DNA2: variants seen among roughly 807,000 people sequenced by gnomAD.
DNA2 encodes the protein DNA replication helicase/nuclease 2.
DNA2 carries 101 observed loss-of-function variants against 119.1 expected under a neutral mutation model. The observed-to-expected ratio is 0.85, with a 90% confidence interval of 0.72 to 1.00. The LOEUF is 1.00. DNA2 is among the 50% of genes least tolerant of loss of function. The probability of loss-of-function intolerance (pLI) is 0.00; values close to 1 mark genes in which losing one functional copy is unlikely to be tolerated. For synonymous variants in DNA2, 366 were observed against 424.4 expected (o/e 0.86, Z 1.69); for missense variants, 1,121 against 1,255.5 (o/e 0.89, Z 1.62).
At chr10:68,419,272 G>T in intron 18 of DNA2, 59 bp from the exon 19 acceptor site, 1 of 1,281,530 alleles carries the variant, frequency 7.8e-7, no homozygotes, top group Non-Finnish European at 1.0e-6. Context: ...AAACTTTTCT[G>T]AATTTAATAA....
chr10:68,467,031 A>G (rs892600599), intron 3 of DNA2, among the ~76,000 whole-genome samples: 4 of 152,236 alleles, frequency 2.6e-5, no homozygotes, highest in African/African-American at 9.6e-5. Context: ...TCAAAATAAA[A>G]TAAAAGTACG....
chr10:68,440,710 C>A (rs180827217), intron 9 of DNA2, among the ~76,000 whole-genome samples: 1 of 152,198 alleles, frequency 6.6e-6, no homozygotes, highest in Admixed American at 6.6e-5. Context: ...ACTACACATA[C>A]GCAGTCTATC....
chr10:68,451,972 A>T (rs2133417602), intron 5 of DNA2, among the ~76,000 whole-genome samples: 1 of 151,998 alleles, frequency 6.6e-6, no homozygotes, highest in Middle Eastern at 3.4e-3. Context: ...TAAAAAAAAA[A>T]CTATTCCAAG....
chr10:68,418,958 C>A, intron 19 of DNA2, 76 bp downstream of exon 19: 2 of 1,391,284 alleles, frequency 1.4e-6, no homozygotes. Context: ...CAGGTGTGAG[C>A]CACCGCGCCC....
At chr10:68,445,808 G>A (rs2052031128) in intron 7 of DNA2, among the ~76,000 whole-genome samples, 1 of 151,970 alleles carries the variant, frequency 6.6e-6, no homozygotes, top group Admixed American at 6.6e-5. Flanking sequence ...CAACTATAGA[G>A]TATATTATTA....
At chr10:68,444,774 T>A in intron 8 of DNA2, 147 bp downstream of exon 8, 1 of 554,286 alleles carries the variant, frequency 1.8e-6, no homozygotes, top group Non-Finnish European at 3.0e-6. Flanking sequence ...TTTTCTATTA[T>A]CTTAATTTTA....
intron 14 of DNA2, among the ~76,000 whole-genome samples, chr10:68,426,916 G>A (rs933880906): frequency 2.6e-5 from 4 of 152,154 alleles, no homozygotes; most frequent in South Asian, 2.1e-4. Context: ...AAAAGCAAGC[G>A]ATAGAGTGGG....
intron 4 of DNA2, among the ~76,000 whole-genome samples, chr10:68,460,960 T>C (rs1237456861): frequency 2.0e-5 from 3 of 151,722 alleles, no homozygotes; most frequent in Admixed American, 2.0e-4. Context: ...GACATCAAAT[T>C]TCAGATAATT....
chr10:68,461,278 A>C (rs1480763407), intron 4 of DNA2: 1 of 152,232 alleles, frequency 6.6e-6, no homozygotes, highest in Non-Finnish European at 1.5e-5. Context: ...CTTTCATAAG[A>C]GTACAGTTGA....
chr10:68,469,955 G>C, intron 2 of DNA2, 26 bp downstream of exon 2: 5 of 1,577,864 alleles, frequency 3.2e-6, no homozygotes, highest in Non-Finnish European at 4.3e-6. Flanking sequence ...GATTCAAATC[G>C]GTGCTCAAAG....
chr10:68,437,365 G>A, intron 9 of DNA2, 124 bp from the exon 10 acceptor site: 1 of 834,438 alleles, frequency 1.2e-6, no homozygotes, highest in East Asian at 2.7e-5. Flanking sequence ...GCCGGGTGTG[G>A]TGGCTCACGC....
chr10:68,430,724 A>T (rs902507243), intron 13 of DNA2, 64 bp from the exon 14 acceptor site: 4 of 1,241,356 alleles, frequency 3.2e-6, no homozygotes, highest in Non-Finnish European at 4.4e-6. Flanking sequence ...AATTTTTAAC[A>T]TGTTTATAAA....
intron 4 of DNA2, among the ~76,000 whole-genome samples, chr10:68,460,093 T>G (rs1279741083): frequency 6.6e-6 from 1 of 151,380 alleles, no homozygotes; most frequent in African/African-American, 2.4e-5. Flanking sequence ...TTTTTCTTCT[T>G]TTTCTTTTTC....
In DNA2 at chr10:68,430,469, G is replaced by A. The variant is rs2051805062; in HGVS notation, c.2175C>T (p.Ser725=). 2.5e-6 allele frequency: 4 copies of A among 1,609,044 alleles called. No individual in the cohort carries two copies. The highest frequency in any genetic ancestry group is 3.4e-6 in the Non-Finnish European group (4 of 1,177,322). The change falls in exon 14 of 21, where the codon TCC becomes TCT. Residue 725 remains serine, a synonymous_variant. Coordinates refer to ENST00000358410, the MANE Select transcript of DNA2 (RefSeq NM_001080449.3). The stretch of plus-strand genomic sequence containing the variant: ...TGTAGAGTTCTTCTAGAAGAGCTAA[G>A]GATTTAATGGACTTTGATCTGCAAA... ...QEICRSKSIK[S]LALLEELYNS...
At chr10:68,439,657 G>A in intron 9 of DNA2, among the ~76,000 whole-genome samples, 1 of 151,736 alleles carries the variant, frequency 6.6e-6, no homozygotes. Flanking sequence ...GACCAACATG[G>A]AGAAACCCCG....
intron 14 of DNA2, chr10:68,424,458 C>G (rs1305147871): frequency 1.8e-6 from 1 of 551,464 alleles, no homozygotes; most frequent in East Asian, 3.3e-5. Flanking sequence ...GAGCCTTGAT[C>G]ATGCCACTGA....
chr10:68,440,697 C>T (rs1454251216), intron 9 of DNA2, among the ~76,000 whole-genome samples: 2 of 152,074 alleles, frequency 1.3e-5, no homozygotes, highest in African/African-American at 4.8e-5. Flanking sequence ...GTATAGTATA[C>T]TCACTACACA....
intron 9 of DNA2, among the ~76,000 whole-genome samples, chr10:68,437,857 T>C (rs867020704): frequency 6.6e-6 from 1 of 151,806 alleles, no homozygotes; most frequent in Non-Finnish European, 1.5e-5. Flanking sequence ...ATTACAGGCA[T>C]ACACCACCAC....
At chr10:68,467,698 A>C (rs1008276070) in intron 3 of DNA2, among the ~76,000 whole-genome samples, 1 of 152,050 alleles carries the variant, frequency 6.6e-6, no homozygotes, top group Non-Finnish European at 1.5e-5. Context: ...CTACAGGTGC[A>C]CGCCACCACA....
Sources: allele counts gnomAD v4.1 joint callset (sites outside exome capture counted in the v4.1 genomes callset), GRCh38; gene constraint gnomAD v4.1.1; transcripts MANE v1.5; gene names NCBI Gene and HGNC (gene_info 2026-07-23, HGNC 2026-07-21).